Variants in DPY19L4 observed in about 807,000 individuals in gnomAD.
The protein encoded by DPY19L4 is probable C-mannosyltransferase DPY19L4.
In DPY19L4, 97 loss-of-function variants were observed where a neutral mutation model predicts 102.8. The observed-to-expected ratio is 0.94, with a 90% CI of 0.80 to 1.12. The LOEUF is 1.12. DPY19L4 is among the 50% of genes most tolerant of loss of function. The pLI, the probability that DPY19L4 is intolerant of heterozygous loss-of-function variation, is 0.00. For synonymous variants in DPY19L4, 252 were observed against 283.1 expected, an observed-to-expected ratio of 0.89 and a Z score of 1.10; for missense variants, 815 against 850.4, an observed-to-expected ratio of 0.96 and a Z score of 0.52.
chr8:94,719,917 G>C lies in DPY19L4; in HGVS notation c.-82G>C. ...CGGCGGCCAGGAGCGGGCCCCCGGA[G>C]GCCGAGGGGTTCGGCGACGCGGAGG... is the stretch of plus-strand genomic sequence containing the variant. On this transcript the variant is annotated 5_prime_UTR_variant, in exon 1 of 19. Transcript: ENST00000414645. 1 of 1,422,954 alleles carries C rather than the reference G, an allele frequency of 7.0e-7. No homozygotes were observed. Among genetic ancestry groups the C allele is most frequent in the Admixed American group, 2.8e-5 (1 of 35,738 alleles). The allele number at this position is 1,422,954 out of a possible 1,614,324, so 88.1% of individuals were successfully genotyped here. A position where few individuals can be genotyped will look rare whatever the true frequency, so the allele number is the denominator to read the frequency against.
chr8:94,756,897 C>T (rs1222017044), intron 7 of DPY19L4, among the ~76,000 whole-genome samples: 7 of 152,070 alleles, frequency 4.6e-5, no homozygotes, highest in African/African-American at 9.6e-5. Flanking sequence ...TGGTGGCACA[C>T]GCCTGTAATC....
chr8:94,726,554 C>A, intron 2 of DPY19L4, 113 bp downstream of exon 2: 2 of 838,474 alleles, frequency 2.4e-6, no homozygotes, highest in Non-Finnish European at 3.5e-6. Flanking sequence ...ATATGCTCAG[C>A]TTTCACTAGG....
At chr8:94,725,743 C>T (rs1221764772) in intron 1 of DPY19L4, among the ~76,000 whole-genome samples, 1 of 152,146 alleles carries the variant, frequency 6.6e-6, no homozygotes, top group Non-Finnish European at 1.5e-5. Context: ...TCACGCCATT[C>T]TCCTGCCTCA....
At chr8:94,744,878 G>T in intron 6 of DPY19L4, 1 of 236,722 alleles carries the variant, frequency 4.2e-6, no homozygotes. Flanking sequence ...TTTGACAATT[G>T]AAATGTTCTT....
chr8:94,720,310 C>G (rs1315585431), intron 1 of DPY19L4: 4 of 966,168 alleles, frequency 4.1e-6, no homozygotes, highest in Non-Finnish European at 4.9e-6. Context: ...AGGGAGGGTC[C>G]TGATCAGATT....
chr8:94,770,567 G>C lies in DPY19L4; in HGVS notation c.1450G>C (p.Glu484Gln). 6.2e-7 allele frequency: 1 copy of C among 1,613,170 alleles called. No individual in the cohort carries two copies. The highest frequency in any genetic ancestry group is 8.5e-7 in the Non-Finnish European group (1 of 1,179,734). ...ATTGGGTTCTCTTGCAATGGTTATAGAAGGGTAAGTGTACTTTATTTGATC... is the reference window on the plus strand; with the variant it reads ...ATTGGGTTCTCTTGCAATGGTTATACAAGGGTAAGTGTACTTTATTTGATC... ...ILLGSLAMVI[E>Q]GLKYIWIPYV... The change falls in exon 13 of 19, where the codon GAA (glutamate) becomes CAA (glutamine). Residue 484 changes from glutamate to glutamine, a missense_variant. Transcript: ENST00000414645.
chr8:94,739,823 C>G (rs371360285), intron 6 of DPY19L4, 33 bp downstream of exon 6: 46 of 1,607,430 alleles, frequency 2.9e-5, no homozygotes, highest in Middle Eastern at 2.3e-4. Flanking sequence ...TTTTTAAAAA[C>G]TTTTTGTGGC....
In DPY19L4 at chr8:94,726,458, TG is replaced by T; in HGVS notation, c.127+19del. ...CTCCAAAACGTAAGTTAGATAGACT[TG>T]GAATTTGTGCTACTACAAAAATAGT... On this transcript the variant is annotated intron_variant, in intron 2 of 18. Coordinates refer to ENST00000414645, the MANE Select transcript of DPY19L4 (RefSeq NM_181787.3). 1 of 1,569,850 alleles carries T rather than the reference TG, an allele frequency of 6.4e-7. No individual in the cohort carries two copies. The highest frequency in any genetic ancestry group is 8.6e-7 in the Non-Finnish European group (1 of 1,156,910).
At chr8:94,751,624 C>A (rs556041388) in intron 6 of DPY19L4, among the ~76,000 whole-genome samples, 1 of 151,834 alleles carries the variant, frequency 6.6e-6, no homozygotes, top group African/African-American at 2.4e-5. Flanking sequence ...CAAGTAGCTG[C>A]GATTACAGGT....
At chr8:94,732,130 C>G (rs776730681) in intron 2 of DPY19L4, among the ~76,000 whole-genome samples, 14 of 150,912 alleles carry the variant, frequency 9.3e-5, no homozygotes, top group Non-Finnish European at 1.5e-4. Context: ...ATTAGTTACT[C>G]TATACTAGTT....
rs1399575059 is a variant in DPY19L4 at position 94,792,782 on chromosome 8, G to C, written c.*2872G>C. The C allele has an allele frequency of 6.6e-6, 1 of 152,270 alleles. No individual in the cohort carries two copies. The highest frequency in any genetic ancestry group is 1.5e-5 in the Non-Finnish European group (1 of 68,172). 9.4% of individuals were successfully genotyped at this position (152,270 alleles called of 1,614,324 possible). On this transcript the variant is annotated 3_prime_UTR_variant, in exon 19 of 19. Transcript: ENST00000414645. ...AAGCAGGAGAATGGCGTCAAGCGGC[G>C]AGGCGGAGCTTGCGGTGAGCCGAGA...
At chr8:94,745,786 C>T (rs1563585163) in intron 6 of DPY19L4, among the ~76,000 whole-genome samples, 1 of 151,998 alleles carries the variant, frequency 6.6e-6, no homozygotes, top group Non-Finnish European at 1.5e-5. Flanking sequence ...CGGAGTTTCA[C>T]TCATGTTTCA....
At chr8:94,777,555 C>T in intron 13 of DPY19L4, 111 bp from the exon 14 acceptor site, 1 of 1,342,462 alleles carries the variant, frequency 7.4e-7, no homozygotes, top group East Asian at 2.4e-5. Flanking sequence ...TTCACTGTCC[C>T]TTAGCATTTT....
intron 8 of DPY19L4, among the ~76,000 whole-genome samples, chr8:94,763,870 T>A (rs1021266873): frequency 6.6e-6 from 1 of 152,078 alleles, no homozygotes. Context: ...GGTTTTGCCA[T>A]GTTGCCCAGG....
intron 1 of DPY19L4, among the ~76,000 whole-genome samples, chr8:94,724,094 G>A (rs897265572): frequency 2.0e-4 from 30 of 152,256 alleles, no homozygotes; most frequent in Admixed American, 1.8e-3. Context: ...ATAATTTTTT[G>A]TAAGAACACA....
intron 1 of DPY19L4, 98 bp downstream of exon 1, chr8:94,720,112 C>T (rs1352450491): frequency 7.2e-7 from 1 of 1,396,604 alleles, no homozygotes; most frequent in Non-Finnish European, 9.3e-7. Context: ...CTGGTGGCCG[C>T]GGTCGCGGTG....
In DPY19L4 at chr8:94,768,778, G is replaced by A. The variant is rs187427225; in HGVS notation, c.1334+225G>A. Among the ~76,000 whole-genome samples the A allele has an allele frequency of 3.7e-3, 567 of 152,130 alleles. 1 individual carries two copies. Among genetic ancestry groups the A allele is most frequent in the African/African-American group, 0.013 (526 of 41,504 alleles). ...GGAGGCCGAAGCGGGCAGATCGCAA[G>A]GTTGGGAGTTTGAGACCAGCCGGTC... On this transcript the variant is annotated intron_variant, in intron 12 of 18. Transcript: ENST00000414645.
intron 16 of DPY19L4, among the ~76,000 whole-genome samples, chr8:94,782,508 T>A (rs1813474121): frequency 6.6e-6 from 1 of 151,672 alleles, no homozygotes; most frequent in Non-Finnish European, 1.5e-5. Flanking sequence ...TGGCCATTTT[T>A]GTAACCAGTC....
At chr8:94,768,668 A>G (rs1319887280) in intron 12 of DPY19L4, 115 bp downstream of exon 12, 5 of 712,380 alleles carry the variant, frequency 7.0e-6, no homozygotes, top group Non-Finnish European at 1.0e-5. Flanking sequence ...TTCTATTTCC[A>G]TTCTCTTTTC....
Sources: allele counts gnomAD v4.1 joint callset (sites outside exome capture counted in the v4.1 genomes callset), GRCh38; gene constraint gnomAD v4.1.1; transcripts MANE v1.5; gene names NCBI Gene and HGNC (gene_info 2026-07-23, HGNC 2026-07-21).